The following SLC15A1 variants were observed in gnomAD, a reference collection of about 807,000 sequenced individuals.
SLC15A1 encodes the protein solute carrier family 15 member 1.
Under a neutral mutation model 92.9 loss-of-function variants are expected in SLC15A1, and 83 were observed. That is an observed-to-expected ratio of 0.89 (90% CI 0.75 to 1.07). SLC15A1 has a LOEUF of 1.07. Ranked by LOEUF, SLC15A1 falls within the 50% of genes least tolerant of loss-of-function variation. The probability of loss-of-function intolerance (pLI) is 0.00; values close to 1 mark genes in which losing one functional copy is unlikely to be tolerated. For missense variants in SLC15A1, 857 were observed against 880.1 expected, an observed-to-expected ratio of 0.97 and a Z score of 0.33; for synonymous variants, 322 against 318.2, an observed-to-expected ratio of 1.01 and a Z score of -0.13.
At chr13:98,685,745 TG>T (rs2087923648) in intron 22 of SLC15A1, among the ~76,000 whole-genome samples, 1 of 152,094 alleles carries the variant, frequency 6.6e-6, no homozygotes, top group African/African-American at 2.4e-5. Flanking sequence ...CCCAGCACTT[TG>T]GGGGGCCAAG....
intron 14 of SLC15A1, 80 bp downstream of exon 14, chr13:98,709,492 G>T: frequency 8.9e-7 from 1 of 1,124,594 alleles, no homozygotes. Flanking sequence ...TTGCGGGAAG[G>T]GCTGCAGGCT....
intron 1 of SLC15A1, among the ~76,000 whole-genome samples, chr13:98,734,488 C>T (rs538286950): frequency 1.6e-3 from 238 of 152,230 alleles, no homozygotes; most frequent in African/African-American, 5.6e-3. Flanking sequence ...ATCGCCTTAC[C>T]TGGTAAGCAC....
At chr13:98,697,224 T>A (rs1334515234) in intron 18 of SLC15A1, among the ~76,000 whole-genome samples, 2 of 151,988 alleles carry the variant, frequency 1.3e-5, no homozygotes, top group Non-Finnish European at 2.9e-5. Flanking sequence ...CCCGGCTAAT[T>A]TTTGTATTTT....
intron 18 of SLC15A1, among the ~76,000 whole-genome samples, chr13:98,691,790 T>C (rs2263235): frequency 0.83 from 125,872 of 152,138 alleles, 52,681 homozygotes; most frequent in African/African-American, 0.95. Flanking sequence ...ATGGAAAGCT[T>C]GAGCGGGGCA....
chr13:98,715,766 G>A, intron 9 of SLC15A1, 112 bp downstream of exon 9: 1 of 835,686 alleles, frequency 1.2e-6, no homozygotes, highest in South Asian at 1.7e-5. Context: ...AAACAGTTAA[G>A]AACACTAAAA....
chr13:98,728,983 A>C (rs1566455554), intron 1 of SLC15A1, among the ~76,000 whole-genome samples: 2 of 143,726 alleles, frequency 1.4e-5, no homozygotes, highest in Non-Finnish European at 3.0e-5. Context: ...TCTGTAAAAA[A>C]AAAAAAAAAA....
chr13:98,689,067 G>T (rs1284044597), intron 18 of SLC15A1, among the ~76,000 whole-genome samples: 1 of 152,106 alleles, frequency 6.6e-6, no homozygotes, highest in African/African-American at 2.4e-5. Flanking sequence ...AGCCTCCCGC[G>T]TAGTTGGGAC....
chr13:98,715,028 G>A (rs558634371), intron 9 of SLC15A1, among the ~76,000 whole-genome samples: 5 of 152,182 alleles, frequency 3.3e-5, no homozygotes, highest in East Asian at 1.9e-4. Context: ...GACTGCTCCC[G>A]GCTGCATGCT....
intron 18 of SLC15A1, among the ~76,000 whole-genome samples, chr13:98,701,848 A>G (rs545741349): frequency 1.0e-3 from 153 of 151,342 alleles, no homozygotes; most frequent in African/African-American, 3.5e-3. Context: ...TTTTTTTAAA[A>G]ATTTTTATTA....
At chr13:98,720,986 A>T (rs1427208069) in intron 7 of SLC15A1, 1 of 379,418 alleles carries the variant, frequency 2.6e-6, no homozygotes, top group Non-Finnish European at 5.3e-6. Context: ...CAGGAGGTGG[A>T]GGTTGCAGTG....
rs74395488 is a variant in SLC15A1, at chr13:98,691,018, A to G, written c.1467-2441T>C. Reference sequence around the variant, plus strand: ...CATATTGTCTTTCACATTCGTTCATATCGTGGCATGTATCCGTACTCCATT... The same window carrying G: ...CATATTGTCTTTCACATTCGTTCATGTCGTGGCATGTATCCGTACTCCATT... On this transcript the variant is annotated intron_variant, in intron 18 of 22. Coordinates refer to ENST00000376503, the MANE Select transcript of SLC15A1 (RefSeq NM_005073.4). 5.3e-3 allele frequency among the ~76,000 whole-genome samples: 805 copies of G among 151,898 alleles called. 43 individuals carry two copies. The East Asian group carries it at 0.1, about 19-fold the overall frequency.
chr13:98,730,799 C>T (rs2088344780), intron 1 of SLC15A1, among the ~76,000 whole-genome samples: 1 of 152,214 alleles, frequency 6.6e-6, no homozygotes, highest in African/African-American at 2.4e-5. Flanking sequence ...TCAGATCCAG[C>T]TCTGCATGGT....
At chr13:98,721,199 C>T in intron 7 of SLC15A1, 2 of 566,128 alleles carry the variant, frequency 3.5e-6, no homozygotes, top group Non-Finnish European at 6.9e-6. Flanking sequence ...TCTCTTGCCT[C>T]TTACCTCTTA....
chr13:98,734,246 T>C (rs557393411), intron 1 of SLC15A1, among the ~76,000 whole-genome samples: 56 of 152,360 alleles, frequency 3.7e-4, no homozygotes, highest in African/African-American at 1.3e-3. Context: ...ATTATAGGCA[T>C]GAGCCACTGC....
At chr13:98,686,378 G>T in intron 21 of SLC15A1, 81 bp from the exon 22 acceptor site, 1 of 923,460 alleles carries the variant, frequency 1.1e-6, no homozygotes, top group East Asian at 2.6e-5. Context: ...TGGGCGTTTC[G>T]TGAAGCAGAT....
At position 98,712,559 on chromosome 13, in the gene SLC15A1, T is replaced by C. The variant is rs529976819; in HGVS notation, c.749A>G (p.His250Arg). 1 of 1,608,566 alleles carries C rather than the reference T, an allele frequency of 6.2e-7. No individual in the cohort carries two copies. The highest frequency in any genetic ancestry group is 2.2e-5 in the East Asian group (1 of 44,684). The part of the protein sequence containing the change: ...IGFAIKNRFR[H>R]RSKAFPKREH... Reference sequence around the variant, plus strand: ...CCTCTTGGGAAATGCCTTACTCCGATGCCTAAATCTATTTTTGATGGCAAA... The same window carrying C: ...CCTCTTGGGAAATGCCTTACTCCGACGCCTAAATCTATTTTTGATGGCAAA... Residue 250 changes from histidine (H) to arginine (R), a missense_variant, in exon 10 of 23, where the codon CAT (histidine) becomes CGT (arginine). By Grantham distance (29) the His-to-Arg change is conservative. Transcript: ENST00000376503.
intron 15 of SLC15A1, among the ~76,000 whole-genome samples, chr13:98,707,890 T>TAA (rs1566447887): frequency 1.1e-5 from 1 of 91,068 alleles, no homozygotes; most frequent in African/African-American, 7.2e-5. Context: ...GAGACCCTGT[T>TAA]TAAAAAAAAA....
At chr13:98,726,330 C>T (rs1464275513) in intron 3 of SLC15A1, 38 bp downstream of exon 3, 3 of 1,613,870 alleles carry the variant, frequency 1.9e-6, no homozygotes, top group Admixed American at 1.7e-5. Flanking sequence ...GCCACTCCCG[C>T]TCTTCCCTGA....
At chr13:98,742,440 G>A (rs1414840172) in intron 1 of SLC15A1, among the ~76,000 whole-genome samples, 5 of 152,270 alleles carry the variant, frequency 3.3e-5, no homozygotes, top group Admixed American at 1.3e-4. Flanking sequence ...CCCTCAGCTT[G>A]GGTGTCCATG....
Sources: gnomAD v4.1 joint callset for allele counts (sites outside exome capture counted in the v4.1 genomes callset) on GRCh38, gnomAD v4.1.1 for gene constraint, MANE v1.5 for transcripts, NCBI Gene and HGNC (gene_info 2026-07-23, HGNC 2026-07-21) for gene names.